CALN1: variants seen among roughly 807,000 people sequenced by gnomAD.
The protein encoded by CALN1 is calneuron 1, also known as calcium-binding protein 8.
Under a neutral mutation model 30.6 loss-of-function variants are expected in CALN1, and 17 were observed. That is an observed-to-expected ratio of 0.56 (90% CI 0.38 to 0.83). CALN1 has a LOEUF of 0.83. CALN1 is among the 40% of genes least tolerant of loss of function. The pLI is 0.00. For missense variants in CALN1, 291 were observed against 354.9 expected (o/e 0.82, Z 1.45); for synonymous variants, 156 against 131.4 (o/e 1.19, Z -1.28).
At chr7:72,408,895 C>G (rs190699407) in intron 1 of CALN1, among the ~76,000 whole-genome samples, 3 of 151,866 alleles carry the variant, frequency 2.0e-5, no homozygotes, top group East Asian at 1.9e-4. Context: ...CCAGGTTGGT[C>G]TCAAACTCTT....
At chr7:71,825,647 G>GAC (rs1259290873) in intron 5 of CALN1, among the ~76,000 whole-genome samples, 2 of 152,126 alleles carry the variant, frequency 1.3e-5, no homozygotes, top group Non-Finnish European at 2.9e-5. Context: ...CAGAGAGACA[G>GAC]ACGTACCTTG....
intron 3 of CALN1, among the ~76,000 whole-genome samples, chr7:72,147,072 T>C (rs1165263892): frequency 6.6e-6 from 1 of 152,102 alleles, no homozygotes; most frequent in African/African-American, 2.4e-5. Context: ...GGACTTCATG[T>C]CTAAAACACC....
At chr7:72,392,381 G>A (rs903215701) in intron 2 of CALN1, among the ~76,000 whole-genome samples, 1 of 152,170 alleles carries the variant, frequency 6.6e-6, no homozygotes, top group Admixed American at 6.6e-5. Flanking sequence ...CAAAGCAATA[G>A]TAACTGGACT....
intron 3 of CALN1, among the ~76,000 whole-genome samples, chr7:72,210,444 T>A (rs1792310734): frequency 6.6e-6 from 1 of 152,068 alleles, no homozygotes; most frequent in Non-Finnish European, 1.5e-5. Context: ...CATTGTTTCG[T>A]TTTCATACTG....
intron 2 of CALN1, among the ~76,000 whole-genome samples, chr7:72,365,860 G>GT (rs1387791492): frequency 6.6e-6 from 1 of 152,142 alleles, no homozygotes; most frequent in Non-Finnish European, 1.5e-5. Flanking sequence ...ATATGAAAAC[G>GT]TACCCTCTCG....
chr7:72,106,977 G>A (rs1807211346), intron 3 of CALN1, among the ~76,000 whole-genome samples: 1 of 147,588 alleles, frequency 6.8e-6, no homozygotes, highest in South Asian at 2.1e-4. Context: ...GAGAAAGAGA[G>A]AAAGAAAGAA....
chr7:72,304,414 G>C (rs1303335125), intron 2 of CALN1, among the ~76,000 whole-genome samples: 1 of 152,060 alleles, frequency 6.6e-6, no homozygotes, highest in Non-Finnish European at 1.5e-5. Flanking sequence ...GGGCCAGGAA[G>C]GGGGGATTGC....
At chr7:71,963,215 T>C (rs1797339733) in intron 5 of CALN1, among the ~76,000 whole-genome samples, 1 of 152,106 alleles carries the variant, frequency 6.6e-6, no homozygotes, top group African/African-American at 2.4e-5. Flanking sequence ...CAGGCTGGAG[T>C]GCGGCGGCGC....
intron 2 of CALN1, among the ~76,000 whole-genome samples, chr7:72,359,557 C>T (rs1803435249): frequency 6.6e-6 from 1 of 152,158 alleles, no homozygotes; most frequent in African/African-American, 2.4e-5. Flanking sequence ...CACGTGCCTC[C>T]TGGTATGACA....
chr7:72,346,081 C>T (rs1041157702), intron 2 of CALN1, among the ~76,000 whole-genome samples: 1 of 152,060 alleles, frequency 6.6e-6, no homozygotes. Flanking sequence ...ATAAATTCAC[C>T]GGTGAATAGC....
intron 3 of CALN1, among the ~76,000 whole-genome samples, chr7:72,203,343 A>G (rs1265443650): frequency 1.3e-5 from 2 of 148,548 alleles, no homozygotes; most frequent in African/African-American, 5.3e-5. Flanking sequence ...CCCAGAACTT[A>G]AAGTAAAATA....
At chr7:72,409,452 A>T (rs142861456) in intron 1 of CALN1, among the ~76,000 whole-genome samples, 188 of 141,944 alleles carry the variant, frequency 1.3e-3, no homozygotes, top group African/African-American at 4.4e-3. Flanking sequence ...TCTTAAACGG[A>T]TCTCTGTGCC....
intron 2 of CALN1, among the ~76,000 whole-genome samples, chr7:72,311,113 CCCT>C (rs1471267937): frequency 1.3e-5 from 2 of 152,054 alleles, no homozygotes; most frequent in South Asian, 2.1e-4. Flanking sequence ...CAAGACCAGC[CCCT>C]CCTCCTCCTC....
At chr7:71,983,681 G>A (rs1399352288) in intron 5 of CALN1, among the ~76,000 whole-genome samples, 11 of 151,988 alleles carry the variant, frequency 7.2e-5, no homozygotes, top group African/African-American at 2.4e-4. Flanking sequence ...ACAGGTGCCC[G>A]CTACCATGCC....
chr7:72,033,536 G>C (rs1479429121), intron 4 of CALN1, among the ~76,000 whole-genome samples: 1 of 152,164 alleles, frequency 6.6e-6, no homozygotes, highest in Non-Finnish European at 1.5e-5. Context: ...GCAGGGTCCA[G>C]ACAGGTCATT....
intron 2 of CALN1, among the ~76,000 whole-genome samples, chr7:72,368,482 CAATT>C (rs1804018402): frequency 6.6e-6 from 1 of 151,566 alleles, no homozygotes; most frequent in Non-Finnish European, 1.5e-5. Context: ...CAAATTTTCC[CAATT>C]GAGTGTGTGA....
intron 3 of CALN1, among the ~76,000 whole-genome samples, chr7:72,163,176 A>T (rs892542851): frequency 6.6e-6 from 1 of 152,340 alleles, no homozygotes; most frequent in South Asian, 2.1e-4. Flanking sequence ...TGAAATAAAA[A>T]CTAAGTCCCA....
At position 71,780,028 on chromosome 7, in the gene CALN1, C is replaced by T. The variant is rs1373250034; in HGVS notation, c.*7747G>A. 1.3e-5 allele frequency: 2 copies of T among 152,152 alleles called. No individual in the cohort carries two copies. Among genetic ancestry groups the T allele is most frequent in the African/African-American group, 2.4e-5 (1 of 41,444 alleles). The allele number at this position is 152,152 out of a possible 1,614,324, so 9.4% of individuals were successfully genotyped here. ...TAATGACCGCTACGATCACAGCGAC[C>T]CCTCCTCCCCATCCAACAGTTGACA... On this transcript the variant is annotated 3_prime_UTR_variant, in exon 7 of 7. Transcript: ENST00000395275.
the CALN1 span, among the ~76,000 whole-genome samples, chr7:72,495,222 C>G: frequency 8.7e-3 from 1,324 of 152,226 alleles, 11 homozygotes; most frequent in South Asian, 0.055. Context: ...TTGTTTGAGT[C>G]CACCCTTTAA....
Sources: allele counts gnomAD v4.1 joint callset (sites outside exome capture counted in the v4.1 genomes callset), GRCh38; gene constraint gnomAD v4.1.1; transcripts MANE v1.5; gene names NCBI Gene and HGNC (gene_info 2026-07-23, HGNC 2026-07-21).